Variants in FAM184A observed in about 807,000 individuals in gnomAD.
FAM184A encodes the protein protein FAM184A.
FAM184A carries 99 observed loss-of-function variants against 143.8 expected under a neutral mutation model. The observed-to-expected ratio is 0.69, with a 90% CI of 0.58 to 0.81. The LOEUF is 0.81. Among genes scored for constraint, FAM184A ranks in the 40% least tolerant of loss-of-function variants. FAM184A has a pLI of 0.00. For missense variants in FAM184A, 1,217 were observed against 1,310.5 expected (o/e 0.93, Z 1.10); for synonymous variants, 427 against 446.4 (o/e 0.96, Z 0.55).
In FAM184A at chr6:119,078,065, C is replaced by T. The variant is rs1787936123; in HGVS notation, c.159+76G>A. The T allele has an allele frequency of 2.0e-6, 3 of 1,496,278 alleles. No individual in the cohort carries two copies. The Admixed American group carries it at 6.3e-5, about 31-fold the overall frequency. 92.7% of individuals were successfully genotyped at this position (1,496,278 alleles called of 1,614,324 possible). A position where few individuals can be genotyped will look rare whatever the true frequency, so the allele number is the denominator to read the frequency against. On this transcript the variant is annotated intron_variant, in intron 1 of 17. Coordinates refer to ENST00000338891, the MANE Select transcript of FAM184A (RefSeq NM_024581.6). This position sits in a 1 kb window ranked among gnomAD's most constrained non-coding sequence, Gnocchi z 5.5. ...CCCCTCGCTGCGGGCGCAGGGCGCA[C>T]TGCCTCCCGGGGAGACAGGTGAGTC...
Position 119,016,884 on chromosome 6 carries a change from G to C in FAM184A, c.1393C>G (p.Gln465Glu). 6.2e-7 allele frequency: 1 copy of C among 1,613,812 alleles called. No individual in the cohort carries two copies. The highest frequency in any genetic ancestry group is 8.5e-7 in the Non-Finnish European group (1 of 1,179,842). ...EYYERELKNL[Q>E]SRLEEEVTQL... is the part of the protein sequence containing the mutation. ...GTCACCTCCTCTTCCAATCTACTTT[G>C]CAGGTTTTTAAGTTCCCTTTCATAA... The change falls in exon 5 of 18, where the codon CAA becomes GAA. Residue 465 changes from glutamine to glutamate, a missense_variant. Gln to Glu is a conservative substitution (Grantham distance 29, BLOSUM62 2). Transcript: ENST00000338891.
rs772242066 is a variant in FAM184A at position 118,974,488 on chromosome 6, C to T, written c.2855G>A (p.Arg952Gln). Residue 952 changes from arginine to glutamine, a missense_variant, in exon 14 of 18, where the codon CGG becomes CAG. Coordinates refer to ENST00000338891, the MANE Select transcript of FAM184A (RefSeq NM_024581.6). ...ADHLREKNIM[R>Q]ADFNKTNELL... ...CTCGTTAGTCTTATTAAAATCTGCCCGCATGATATTTTTCTCTCTGAGGTG... is the reference window on the plus strand; with the variant it reads ...CTCGTTAGTCTTATTAAAATCTGCCTGCATGATATTTTTCTCTCTGAGGTG... 69 of 1,612,350 alleles carry T rather than the reference C, an allele frequency of 4.3e-5. No homozygotes were observed. The highest frequency in any genetic ancestry group is 1.6e-4 in the Middle Eastern group (1 of 6,070).
At chr6:118,979,344 A>C in intron 11 of FAM184A, 21 bp downstream of exon 11, 2 of 1,585,896 alleles carry the variant, frequency 1.3e-6, no homozygotes, top group South Asian at 2.3e-5. Context: ...ATATGACAAG[A>C]TTGTAATCTT....
intron 9 of FAM184A, among the ~76,000 whole-genome samples, chr6:118,983,172 C>T (rs1784069651): frequency 6.6e-6 from 1 of 152,118 alleles, no homozygotes; most frequent in Non-Finnish European, 1.5e-5. Flanking sequence ...TCATGCAATG[C>T]AATATCAAAA....
chr6:119,104,061 G>C (rs1424035897), intron 1 of FAM184A, among the ~76,000 whole-genome samples: 1 of 151,710 alleles, frequency 6.6e-6, no homozygotes, highest in East Asian at 1.9e-4. Context: ...TTTTGAGATA[G>C]GGTCTTGCCC....
At chr6:119,126,003 G>A (rs894713452) in intron 1 of FAM184A, among the ~76,000 whole-genome samples, 1 of 152,232 alleles carries the variant, frequency 6.6e-6, no homozygotes, top group Non-Finnish European at 1.5e-5. Context: ...CAGGTTAGAA[G>A]TCCAGACATG....
chr6:119,003,677 G>C, intron 7 of FAM184A, 55 bp from the exon 8 acceptor site: 1 of 1,509,640 alleles, frequency 6.6e-7, no homozygotes, highest in South Asian at 1.4e-5. Context: ...AACACTGCTG[G>C]TTATTTTAAA....
intron 1 of FAM184A, among the ~76,000 whole-genome samples, chr6:119,028,283 C>A (rs1039736981): frequency 6.6e-6 from 1 of 152,208 alleles, no homozygotes; most frequent in African/African-American, 2.4e-5. Flanking sequence ...TGTTCTTTAA[C>A]AGCAGAGCTC....
intron 5 of FAM184A, among the ~76,000 whole-genome samples, chr6:119,014,846 G>A (rs1582505524): frequency 6.6e-6 from 1 of 152,062 alleles, no homozygotes; most frequent in African/African-American, 2.4e-5. Flanking sequence ...ATCACTTGAG[G>A]TCAGGAGTTC....
At chr6:119,091,122 A>G (rs942697479) in intron 1 of FAM184A, among the ~76,000 whole-genome samples, 13 of 152,202 alleles carry the variant, frequency 8.5e-5, no homozygotes, top group Non-Finnish European at 1.3e-4. Context: ...CTTGCTGTGT[A>G]TTAATGCTGT....
chr6:119,023,496 G>T (rs1785518535), intron 2 of FAM184A, among the ~76,000 whole-genome samples: 1 of 149,488 alleles, frequency 6.7e-6, no homozygotes, highest in African/African-American at 2.5e-5. Flanking sequence ...AGAAAAAAAT[G>T]TATTTAAACT....
At chr6:119,038,815 C>G (rs1363391968) in intron 1 of FAM184A, among the ~76,000 whole-genome samples, 4 of 152,118 alleles carry the variant, frequency 2.6e-5, no homozygotes, top group Non-Finnish European at 5.9e-5. Flanking sequence ...ATCGGGACCC[C>G]TTTCCTGTAA....
chr6:119,005,849 G>A (rs1784900807), intron 7 of FAM184A: 1 of 444,488 alleles, frequency 2.2e-6, no homozygotes. Context: ...AAAAGGCAGA[G>A]TCTTTCTGAA....
In FAM184A at chr6:119,061,531, CTTTTTTTTT is replaced by C. The variant is rs977029986; in HGVS notation, c.159+16601_159+16609del. Among the ~76,000 whole-genome samples, 13 of 58,558 alleles carry C rather than the reference CTTTTTTTTT, an allele frequency of 2.2e-4. 1 individual carries two copies. In the East Asian group the frequency reaches 5.8e-3, roughly 26 times the overall value. The allele number at this position is 58,558 out of a possible 152,430, so 38.4% of individuals were successfully genotyped here. On this transcript the variant is annotated intron_variant, in intron 1 of 17. Coordinates refer to ENST00000338891, the MANE Select transcript of FAM184A (RefSeq NM_024581.6). ...CTACCATGCCTGGCTAATTATTTTT[CTTTTTTTTT>C]TTTTTTTTTTTTTTTTTTGTAGAGA...
In FAM184A at chr6:119,020,124, G is replaced by A. The variant is rs375554840; in HGVS notation, c.1186C>T (p.Gln396Ter). Residue 396 changes from glutamine (Q) to a stop codon, truncating the protein, a stop_gained, in exon 4 of 18, where the codon CAG becomes TAG. Coordinates refer to ENST00000338891, the MANE Select transcript of FAM184A (RefSeq NM_024581.6). LOFTEE classifies it high-confidence loss of function. The stretch of plus-strand genomic sequence containing the variant: ...TCTAAATCTTTAATTGTAACTTCCT[G>A]GGTCATTTGAGTTGCTTGAAGCATT... Reference protein sequence around the residue: ...IGMLQATQMTQEVTIKDLESE... With the variant: ...IGMLQATQMT 3 of 1,599,812 alleles carry A rather than the reference G, an allele frequency of 1.9e-6. No homozygotes were observed. Among genetic ancestry groups the A allele is most frequent in the Non-Finnish European group, 2.6e-6 (3 of 1,175,346 alleles).
chr6:118,994,354 T>TAAAC (rs1424289425), intron 9 of FAM184A, among the ~76,000 whole-genome samples: 1 of 151,400 alleles, frequency 6.6e-6, no homozygotes, highest in East Asian at 1.9e-4. Context: ...AATAAATAAA[T>TAAAC]ATGGAGGTGA....
At chr6:118,968,289 C>G (rs1282743011) in intron 14 of FAM184A, among the ~76,000 whole-genome samples, 2 of 152,116 alleles carry the variant, frequency 1.3e-5, no homozygotes, top group Non-Finnish European at 2.9e-5. Flanking sequence ...ATAAAAAAAT[C>G]TTATCATGCT....
chr6:119,017,043 T>C, intron 4 of FAM184A, 99 bp from the exon 5 acceptor site: 1 of 750,022 alleles, frequency 1.3e-6, no homozygotes, highest in Non-Finnish European at 2.2e-6. Flanking sequence ...TTGAATAAAC[T>C]GAGTGCTACG....
At chr6:119,097,958 G>A (rs974628210) in intron 1 of FAM184A, among the ~76,000 whole-genome samples, 11 of 152,278 alleles carry the variant, frequency 7.2e-5, no homozygotes, top group East Asian at 1.9e-4. Context: ...CCCTCTCACC[G>A]GATGCAGTAA....
Sources: allele counts gnomAD v4.1 joint callset (sites outside exome capture counted in the v4.1 genomes callset), GRCh38; gene constraint gnomAD v4.1.1; non-coding constraint Gnocchi (gnomAD v3.1); transcripts MANE v1.5; gene names NCBI Gene and HGNC (gene_info 2026-07-23, HGNC 2026-07-21).